The following SEMA6D variants were observed in gnomAD, a reference collection of about 807,000 sequenced individuals.
SEMA6D encodes semaphorin 6D.
In SEMA6D, 35 loss-of-function variants were observed where a neutral mutation model predicts 106.6. That is an observed-to-expected ratio of 0.33 (90% CI 0.25 to 0.44). SEMA6D has a LOEUF of 0.44. Ranked by LOEUF, SEMA6D falls within the 20% of genes least tolerant of loss-of-function variation. The pLI is 1.00. For synonymous variants in SEMA6D, 499 were observed against 487.7 expected (o/e 1.02, Z -0.31); for missense variants, 1,185 against 1,345.9 (o/e 0.88, Z 1.87).
At chr15:47,669,251 T>C (rs1039756124) in intron 4 of SEMA6D, among the ~76,000 whole-genome samples, 1 of 152,206 alleles carries the variant, frequency 6.6e-6, no homozygotes, top group African/African-American at 2.4e-5. Context: ...TATTTTAAAA[T>C]TTCCTCTCCA....
chr15:47,354,364 T>G (rs1333929501), intron 1 of SEMA6D, among the ~76,000 whole-genome samples: 2 of 144,134 alleles, frequency 1.4e-5, no homozygotes, highest in Non-Finnish European at 3.0e-5. Flanking sequence ...ATATGGAATG[T>G]GAAAGCTTAT....
intron 4 of SEMA6D, among the ~76,000 whole-genome samples, chr15:47,625,503 G>A (rs2077186187): frequency 1.3e-5 from 2 of 152,166 alleles, no homozygotes; most frequent in Admixed American, 1.3e-4. Context: ...TTATAAGGCT[G>A]TGGCAGGCAA....
chr15:47,270,818 A>AC (rs1299958335), intron 1 of SEMA6D, among the ~76,000 whole-genome samples: 2 of 151,540 alleles, frequency 1.3e-5, no homozygotes, highest in East Asian at 1.9e-4. Flanking sequence ...ACATGGTGAA[A>AC]CCCCACCTCT....
At chr15:47,239,544 A>G (rs1157862702) in intron 1 of SEMA6D, among the ~76,000 whole-genome samples, 1 of 152,184 alleles carries the variant, frequency 6.6e-6, no homozygotes, top group Non-Finnish European at 1.5e-5. Context: ...TAAAGAGCAG[A>G]CAGGATTGAG....
chr15:47,612,921 A>G (rs1238635316), intron 4 of SEMA6D, among the ~76,000 whole-genome samples: 1 of 152,234 alleles, frequency 6.6e-6, no homozygotes, highest in African/African-American at 2.4e-5. Flanking sequence ...CAAATGCCTT[A>G]ACAATGCTAA....
intron 3 of SEMA6D, among the ~76,000 whole-genome samples, chr15:47,552,021 C>G (rs1035642979): frequency 1.3e-5 from 2 of 150,126 alleles, no homozygotes; most frequent in African/African-American, 2.4e-5. Flanking sequence ...TTGTGGGACT[C>G]CAGCCCAAGG....
chr15:47,445,891 C>T (rs979981973), intron 2 of SEMA6D, among the ~76,000 whole-genome samples: 2 of 152,076 alleles, frequency 1.3e-5, no homozygotes, highest in African/African-American at 2.4e-5. Flanking sequence ...TCACCTCGGA[C>T]GCAGTTACAT....
chr15:47,382,871 G>A (rs1244864051), intron 1 of SEMA6D, among the ~76,000 whole-genome samples: 3 of 152,178 alleles, frequency 2.0e-5, no homozygotes, highest in South Asian at 2.1e-4. Context: ...GGGCTCAAGC[G>A]ACTCTCCTGT....
chr15:47,622,317 A>G (rs2077120518), intron 4 of SEMA6D, among the ~76,000 whole-genome samples: 1 of 152,116 alleles, frequency 6.6e-6, no homozygotes, highest in Non-Finnish European at 1.5e-5. Context: ...AGCTTCCTCA[A>G]TTGCAAATAA....
intron 4 of SEMA6D, among the ~76,000 whole-genome samples, chr15:47,662,542 C>T (rs2077944090): frequency 1.3e-5 from 2 of 152,102 alleles, no homozygotes; most frequent in Admixed American, 6.5e-5. Flanking sequence ...ATTTATATTC[C>T]TCTGTCTCTG....
At chr15:47,680,027 A>C (rs1460675697) in intron 4 of SEMA6D, among the ~76,000 whole-genome samples, 1 of 152,058 alleles carries the variant, frequency 6.6e-6, no homozygotes, top group Non-Finnish European at 1.5e-5. Context: ...GAATTGCCCC[A>C]CTTACCTGCA....
chr15:47,732,345 T>C (rs2080178487), intron 1 of SEMA6D, among the ~76,000 whole-genome samples: 1 of 152,210 alleles, frequency 6.6e-6, no homozygotes, highest in Non-Finnish European at 1.5e-5. Flanking sequence ...CTGTTAACCT[T>C]CTGCTTTGCT....
At chr15:47,352,098 T>C (rs1225013583) in intron 1 of SEMA6D, among the ~76,000 whole-genome samples, 4 of 152,198 alleles carry the variant, frequency 2.6e-5, no homozygotes, top group Non-Finnish European at 5.9e-5. Flanking sequence ...TGTTTCCCAC[T>C]GAAAGTAAAG....
chr15:47,471,055 G>T (rs2042821262), intron 3 of SEMA6D, among the ~76,000 whole-genome samples: 1 of 152,176 alleles, frequency 6.6e-6, no homozygotes, highest in Non-Finnish European at 1.5e-5. Flanking sequence ...TCCAAATTAT[G>T]ATCAAGTGAT....
chr15:47,404,926 G>A (rs531204425), intron 1 of SEMA6D, among the ~76,000 whole-genome samples: 2 of 152,274 alleles, frequency 1.3e-5, no homozygotes, highest in South Asian at 4.1e-4. Context: ...TTCTAGTGGA[G>A]AGTGCTAAGT....
At chr15:47,377,265 C>T (rs1044992569) in intron 1 of SEMA6D, among the ~76,000 whole-genome samples, 1 of 152,222 alleles carries the variant, frequency 6.6e-6, no homozygotes, top group South Asian at 2.1e-4. Context: ...TGTGTCTTAA[C>T]GAATGAAATG....
At chr15:47,367,688 G>GCA (rs1567030978) in intron 1 of SEMA6D, among the ~76,000 whole-genome samples, 28 of 44,196 alleles carry the variant, frequency 6.3e-4, no homozygotes, top group African/African-American at 1.4e-3. Flanking sequence ...ACGCGCGCGC[G>GCA]CGCGCACACA....
At chr15:47,500,464 A>G (rs1256602255) in intron 3 of SEMA6D, among the ~76,000 whole-genome samples, 1 of 152,162 alleles carries the variant, frequency 6.6e-6, no homozygotes, top group African/African-American at 2.4e-5. Context: ...CCATACTTTT[A>G]TCAAATGATA....
At chr15:47,606,117 T>C (rs1035223942) in intron 4 of SEMA6D, 3 of 152,058 alleles carry the variant, frequency 2.0e-5, no homozygotes, top group Non-Finnish European at 2.9e-5. Context: ...TTTTTATATA[T>C]ATAGAGACAG....
Sources: allele counts gnomAD v4.1 joint callset (sites outside exome capture counted in the v4.1 genomes callset), GRCh38; gene constraint gnomAD v4.1.1; transcripts MANE v1.5; gene names NCBI Gene and HGNC (gene_info 2026-07-23, HGNC 2026-07-21).